GSTO2: variants seen among roughly 807,000 people sequenced by gnomAD.
GSTO2 encodes the protein glutathione S-transferase omega-2.
Under a neutral mutation model 28.4 loss-of-function variants are expected in GSTO2, and 23 were observed. The observed-to-expected ratio is 0.81, with a 90% confidence interval of 0.58 to 1.15. The LOEUF (loss-of-function observed/expected upper bound fraction) is 1.15, where lower values mean the gene tolerates loss of function less well. Ranked by LOEUF, GSTO2 falls within the 50% of genes most tolerant of loss-of-function variation. GSTO2 has a pLI of 0.00. For synonymous variants in GSTO2, 109 were observed against 111.0 expected (o/e 0.98, Z 0.11); for missense variants, 298 against 297.8 (o/e 1.00, Z 0.00).
chr10:104,275,038 G>C, intron 2 of GSTO2, 89 bp downstream of exon 2: 1 of 1,505,868 alleles, frequency 6.6e-7, no homozygotes, highest in Non-Finnish European at 8.9e-7. Context: ...TTGGCCTGCA[G>C]ACCGGCGGGG....
intron 5 of GSTO2, among the ~76,000 whole-genome samples, chr10:104,293,714 C>T (rs1381045558): frequency 6.6e-6 from 1 of 151,858 alleles, no homozygotes; most frequent in Non-Finnish European, 1.5e-5. Context: ...ACTAGGACTA[C>T]AGGTGCCACC....
chr10:104,272,167 G>A (rs2011436131), intron 1 of GSTO2, among the ~76,000 whole-genome samples: 1 of 152,200 alleles, frequency 6.6e-6, no homozygotes, highest in Admixed American at 6.5e-5. Flanking sequence ...CGGGGGCACA[G>A]GGTATATGGG....
chr10:104,277,357 C>T (rs892956893), intron 3 of GSTO2, among the ~76,000 whole-genome samples: 4 of 151,644 alleles, frequency 2.6e-5, no homozygotes, highest in Admixed American at 1.3e-4. Flanking sequence ...AATCTCAGCT[C>T]ACTGCAACCT....
chr10:104,271,031 T>G (rs2011377901), intron 1 of GSTO2, among the ~76,000 whole-genome samples: 1 of 152,198 alleles, frequency 6.6e-6, no homozygotes, highest in South Asian at 2.1e-4. Flanking sequence ...TGTTTCATGA[T>G]TGAGTGGGTC....
chr10:104,288,394 C>T (rs1449224947), intron 5 of GSTO2: 1 of 152,140 alleles, frequency 6.6e-6, no homozygotes, highest in Non-Finnish European at 1.5e-5. Flanking sequence ...AATGGAATTA[C>T]CAGATCAAAG....
chr10:104,303,207 TTG>T lies in GSTO2; in HGVS notation c.*3925_*3926del, dbSNP rs1589881036. Reference sequence around the variant, plus strand: ...ACTTATAAGTGAGAACATGCAGTTTTTGTAAACCTGTTTTCTTTAGGGAAAGT... The same window carrying T: ...ACTTATAAGTGAGAACATGCAGTTTTTAAACCTGTTTTCTTTAGGGAAAGT... On this transcript the variant is annotated 3_prime_UTR_variant, in exon 7 of 7. Coordinates refer to ENST00000338595, the MANE Select transcript of GSTO2 (RefSeq NM_183239.2). 2 of 152,230 alleles carry T rather than the reference TTG, an allele frequency of 1.3e-5. No homozygotes were observed. Among genetic ancestry groups the T allele is most frequent in the East Asian group, 3.8e-4 (2 of 5,200 alleles). The allele number at this position is 152,230 out of a possible 1,614,324, so 9.4% of individuals were successfully genotyped here.
chr10:104,281,224 A>G (rs1395053067), intron 5 of GSTO2, among the ~76,000 whole-genome samples: 1 of 152,206 alleles, frequency 6.6e-6, no homozygotes, highest in Non-Finnish European at 1.5e-5. Flanking sequence ...CACCATGTTC[A>G]ACCTGACATC....
intron 5 of GSTO2, among the ~76,000 whole-genome samples, chr10:104,283,838 A>AT (rs1220619496): frequency 2.0e-5 from 3 of 152,260 alleles, no homozygotes; most frequent in Non-Finnish European, 2.9e-5. Context: ...CACAATCAGG[A>AT]TTTTTTGTGA....
chr10:104,274,819 C>T lies in GSTO2; in HGVS notation c.-97C>T. 6.9e-7 allele frequency: 1 copy of T among 1,449,128 alleles called. No individual in the cohort carries two copies. The highest frequency in any genetic ancestry group is 9.5e-7 in the Non-Finnish European group (1 of 1,053,398). The allele number at this position is 1,449,128 out of a possible 1,614,324, so 89.8% of individuals were successfully genotyped here. ...AATTAAATTTGGGGCAAGGGGTGCG[C>T]GCCAGAGCGCAGCTGTTTCTGGAGC... is the stretch of plus-strand genomic sequence containing the variant. On this transcript the variant is annotated 5_prime_UTR_variant, in exon 2 of 7. Coordinates refer to ENST00000338595, the MANE Select transcript of GSTO2 (RefSeq NM_183239.2).
chr10:104,280,913 G>A (rs1016439636), intron 5 of GSTO2, among the ~76,000 whole-genome samples: 1 of 152,198 alleles, frequency 6.6e-6, no homozygotes, highest in South Asian at 2.1e-4. Flanking sequence ...ATGACGAATG[G>A]TCATGTGTAG....
At chr10:104,289,022 A>C (rs2012616389) in intron 5 of GSTO2, among the ~76,000 whole-genome samples, 1 of 152,196 alleles carries the variant, frequency 6.6e-6, no homozygotes, top group African/African-American at 2.4e-5. Flanking sequence ...CACTTTACAG[A>C]CATTTGACTG....
At chr10:104,297,455 G>A (rs533496991) in intron 5 of GSTO2, 123 bp from the exon 6 acceptor site, 43 of 609,480 alleles carry the variant, frequency 7.1e-5, no homozygotes, top group South Asian at 6.2e-4. Flanking sequence ...CCTAACCAGA[G>A]GGAGAAGGAG....
intron 5 of GSTO2, among the ~76,000 whole-genome samples, chr10:104,283,342 A>G (rs1431849834): frequency 6.6e-6 from 1 of 152,224 alleles, no homozygotes; most frequent in African/African-American, 2.4e-5. Flanking sequence ...AATTGTAGCT[A>G]TGGCTGGGCG....
chr10:104,272,301 TATTTATC>T (rs1227960267), intron 1 of GSTO2, among the ~76,000 whole-genome samples: 2 of 152,250 alleles, frequency 1.3e-5, no homozygotes, highest in African/African-American at 2.4e-5. Flanking sequence ...CCCATTTGTT[TATTTATC>T]ATCGATGGCT....
chr10:104,278,100 T>G lies in GSTO2; in HGVS notation c.350T>G (p.Leu117Trp). The change falls in exon 4 of 7, where the codon TTG becomes TGG. Residue 117 changes from leucine to tryptophan, a missense_variant. Coordinates refer to ENST00000338595, the MANE Select transcript of GSTO2 (RefSeq NM_183239.2). The part of the protein sequence containing the change: ...PYERARQKML[L>W]ELFCKVPHLT... ...GAACGAGCTCGCCAAAAGATGTTAT[T>G]GGAGCTATTTTGTAAGGTATATTCA... 1.2e-6 allele frequency: 2 copies of G among 1,613,686 alleles called. No homozygotes were observed. Among genetic ancestry groups the G allele is most frequent in the Non-Finnish European group, 8.5e-7 (1 of 1,179,664 alleles).
intron 4 of GSTO2, among the ~76,000 whole-genome samples, chr10:104,279,007 A>G (rs930992799): frequency 6.6e-6 from 1 of 152,166 alleles, no homozygotes; most frequent in Non-Finnish European, 1.5e-5. Context: ...TAACTCATTT[A>G]ATCCAACTGC....
intron 1 of GSTO2, among the ~76,000 whole-genome samples, chr10:104,270,015 CTTT>C (rs762585008): frequency 1.4e-5 from 2 of 141,710 alleles, no homozygotes; most frequent in Non-Finnish European, 1.5e-5. Context: ...TAGTATCTAC[CTTT>C]TTTTTTTTTT....
chr10:104,299,181 A>G lies in GSTO2; in HGVS notation c.629A>G (p.Asp210Gly), dbSNP rs1464150295. ...CTCTGGATATCAGCCATGAAGTGGG[A>G]CCCCACAGTCTGTGCTCTTCTCATG... ...LRLWISAMKW[D>G]PTVCALLMDK... Residue 210 changes from aspartate (D) to glycine (G), a missense_variant, in exon 7 of 7, where the codon GAC (aspartate) becomes GGC (glycine). By Grantham distance (94) the Asp-to-Gly change is moderately conservative. Transcript: ENST00000338595. The G allele has an allele frequency of 6.2e-7, 1 of 1,614,150 alleles. No homozygotes were observed. Among genetic ancestry groups the G allele is most frequent in the South Asian group, 1.1e-5 (1 of 91,080 alleles).
chr10:104,272,925 A>G (rs779362969), intron 1 of GSTO2, among the ~76,000 whole-genome samples: 1 of 152,160 alleles, frequency 6.6e-6, no homozygotes, highest in African/African-American at 2.4e-5. Flanking sequence ...TTATTGGACT[A>G]TTTTAAGAAT....
Sources: allele counts gnomAD v4.1 joint callset (sites outside exome capture counted in the v4.1 genomes callset), GRCh38; gene constraint gnomAD v4.1.1; transcripts MANE v1.5; gene names NCBI Gene and HGNC (gene_info 2026-07-23, HGNC 2026-07-21).